The following WDR90 variants were observed in gnomAD, a reference collection of about 807,000 sequenced individuals.
WDR90 encodes WD repeat-containing protein 90.
In WDR90, 238 loss-of-function variants were observed where a neutral mutation model predicts 195.2. The observed-to-expected ratio is 1.22, with a 90% CI of 1.10 to 1.36. The LOEUF (loss-of-function observed/expected upper bound fraction) is 1.36. WDR90 is among the 40% of genes most tolerant of loss of function. WDR90 has a pLI of 0.00. For synonymous variants in WDR90, 1,265 were observed against 1,052.4 expected, an observed-to-expected ratio of 1.20 and a Z score of -3.91; for missense variants, 2,734 against 2,439.5, an observed-to-expected ratio of 1.12 and a Z score of -2.54.
Position 662,313 on chromosome 16 carries a change from G to A in WDR90, c.4127G>A (p.Cys1376Tyr), listed in dbSNP as rs1054455995. 7.0e-6 allele frequency: 11 copies of A among 1,569,828 alleles called. No individual in the cohort carries two copies. The highest frequency in any genetic ancestry group is 1.9e-5 in the Admixed American group (1 of 53,580). Residue 1376 changes from cysteine to tyrosine, a missense_variant, in exon 33 of 41, where the codon TGC becomes TAC. Physicochemically the swap from Cys to Tyr is radical, Grantham distance 194 (BLOSUM62 -2). Transcript: ENST00000293879. ...GTGGGGGCTGTGTCGGAGCTGAGGTGCAAGGGCTCAGGCGCCAGGTGAGCT... is the reference window on the plus strand; with the variant it reads ...GTGGGGGCTGTGTCGGAGCTGAGGTACAAGGGCTCAGGCGCCAGGTGAGCT... ...WAVGAVSELRCKGSGASSVFM... is the reference protein window; with the variant it reads ...WAVGAVSELRYKGSGASSVFM...
Position 651,763 on chromosome 16 carries a change from G to A in WDR90, c.840+16G>A, listed in dbSNP as rs767549309. On this transcript the variant is annotated intron_variant, in intron 8 of 40. Transcript: ENST00000293879. ...CCCCACAGCCGTGAGTACCCCCTTCGCCCTATGAGATGGGGTTGGGGTGTG... is the reference window on the plus strand; with the variant it reads ...CCCCACAGCCGTGAGTACCCCCTTCACCCTATGAGATGGGGTTGGGGTGTG... 7.3e-5 allele frequency: 117 copies of A among 1,612,694 alleles called. No individual in the cohort carries two copies. The highest frequency in any genetic ancestry group is 9.3e-5 in the Non-Finnish European group (110 of 1,179,892).
Position 667,482 on chromosome 16 carries a change from G to A in WDR90, c.5140G>A (p.Ala1714Thr), listed in dbSNP as rs756798378. 1.2e-6 allele frequency: 2 copies of A among 1,610,310 alleles called. No homozygotes were observed. Among genetic ancestry groups the A allele is most frequent in the Non-Finnish European group, 1.7e-6 (2 of 1,178,014 alleles). Residue 1714 changes from alanine to threonine, a missense_variant, in exon 41 of 41, where the codon GCC becomes ACC. Physicochemically the swap from Ala to Thr is moderately conservative, Grantham distance 58. Transcript: ENST00000293879. ...DCAMGTAQDF[A>T]GHDNAVHLCR... ...TGCCATGGGGACTGCCCAAGACTTT[G>A]CCGGCCACGACAACGCAGTGCACCT... is the stretch of plus-strand genomic sequence containing the variant.
chr16:658,384 T>C lies in WDR90; in HGVS notation c.2766+40T>C, dbSNP rs12446963. On this transcript the variant is annotated intron_variant, in intron 22 of 40. Transcript: ENST00000293879. Reference sequence around the variant, plus strand: ...TGTGGCCCGCCGACCTGGCCCTCCCTGTGCTGTCCAGGCCTGGCCTCTGTG... The same window carrying C: ...TGTGGCCCGCCGACCTGGCCCTCCCCGTGCTGTCCAGGCCTGGCCTCTGTG... 2.5e-6 allele frequency: 4 copies of C among 1,605,754 alleles called. No homozygotes were observed. The East Asian group carries it at 6.7e-5, about 27-fold the overall frequency.
At position 659,290 on chromosome 16, in the gene WDR90, A is replaced by C. The variant is rs1407553327; in HGVS notation, c.3098A>C (p.Glu1033Ala). The change falls in exon 26 of 41, where the codon GAG (glutamate) becomes GCG (alanine). Residue 1033 changes from glutamate to alanine, a missense_variant. Transcript: ENST00000293879. ...GAGGACGCAGCGTCCAGGGCCAGCG[A>C]GCTCCCCCGGCAGCAGGTCCCCAAG... ...PLEDAASRAS[E>A]LPRQQVPKPC... 5 of 1,604,430 alleles carry C rather than the reference A, an allele frequency of 3.1e-6. No homozygotes were observed.
Position 659,228 on chromosome 16 carries a change from G to C in WDR90, c.3053-17G>C. Reference sequence around the variant, plus strand: ...TCCTCTTCCTTCCCAAACATCACAGGGCTGCTTCTTCCCCAGGCCCGGGCG... The same window carrying C: ...TCCTCTTCCTTCCCAAACATCACAGCGCTGCTTCTTCCCCAGGCCCGGGCG... On this transcript the variant is annotated splice_polypyrimidine_tract_variant and intron_variant, in intron 25 of 40. Transcript: ENST00000293879. 2 of 1,611,504 alleles carry C rather than the reference G, an allele frequency of 1.2e-6. No homozygotes were observed. Among genetic ancestry groups the C allele is most frequent in the African/African-American group, 2.7e-5 (2 of 75,024 alleles).
Position 658,614 on chromosome 16 carries a change from G to A in WDR90, c.2856G>A (p.Lys952=), listed in dbSNP as rs761573527. The A allele has an allele frequency of 6.2e-7, 1 of 1,612,662 alleles. No homozygotes were observed. The highest frequency in any genetic ancestry group is 1.3e-5 in the African/African-American group (1 of 75,054). ...FLLIAAGRTI[K]VWDYATQASP... is the part of the protein sequence containing the mutation. Reference sequence around the variant, plus strand: ...TGATTGCCGCCGGCCGGACCATCAAGGTGTGGGACTACGCCACACAGGCCA... The same window carrying A: ...TGATTGCCGCCGGCCGGACCATCAAAGTGTGGGACTACGCCACACAGGCCA... Residue 952 remains lysine (K), a synonymous_variant, in exon 23 of 41, where the codon AAG becomes AAA. Coordinates refer to ENST00000293879, the MANE Select transcript of WDR90 (RefSeq NM_145294.5).
intron 23 of WDR90, 96 bp from the exon 24 acceptor site, chr16:658,800 C>T (rs1227944010): frequency 1.1e-5 from 17 of 1,566,004 alleles, no homozygotes; most frequent in Non-Finnish European, 1.5e-5. Flanking sequence ...CCTCCGGGGC[C>T]TCACACTGTG....
At position 661,577 on chromosome 16, in the gene WDR90, C is replaced by G. The variant is rs764473187; in HGVS notation, c.3674-20C>G. 6.3e-7 allele frequency: 1 copy of G among 1,580,070 alleles called. No homozygotes were observed. Among genetic ancestry groups the G allele is most frequent in the Admixed American group, 1.7e-5 (1 of 58,054 alleles). On this transcript the variant is annotated intron_variant, in intron 30 of 40. Coordinates refer to ENST00000293879, the MANE Select transcript of WDR90 (RefSeq NM_145294.5). The stretch of plus-strand genomic sequence containing the variant: ...GGCTGCATCTGTGCACCTGACGTGG[C>G]TGCTCTGTGTCCTTCCCAGGGGACC...
intron 28 of WDR90, 61 bp from the exon 29 acceptor site, chr16:660,990 G>GCCCCCCCCCCCCCCCCCC: frequency 4.6e-5 from 1 of 21,752 alleles, no homozygotes; most frequent in Non-Finnish European, 6.6e-5. Context: ...CCCTCCCCAG[G>GCCCCCCCCCCCCCCCCCC]CCCCTCCCCG....
intron 28 of WDR90, 49 bp from the exon 29 acceptor site, chr16:661,002 C>A: frequency 4.6e-5 from 3 of 64,806 alleles, no homozygotes; most frequent in Non-Finnish European, 6.8e-5. Flanking sequence ...CCCTCCCCGC[C>A]CCCCCCCCCC....
At chr16:656,579 G>A (rs926730330) in intron 18 of WDR90, 42 bp downstream of exon 18, 7 of 1,568,634 alleles carry the variant, frequency 4.5e-6, no homozygotes, top group Non-Finnish European at 6.1e-6. Flanking sequence ...GGGCCGGGAG[G>A]TCCTGAAGCT....
At position 666,291 on chromosome 16, in the gene WDR90, C is replaced by T. The variant is rs143767432; in HGVS notation, c.4681C>T (p.Arg1561Cys). Residue 1561 changes from arginine (R) to cysteine (C), a missense_variant, in exon 37 of 41, where the codon CGT becomes TGT. Arg to Cys is a radical substitution (Grantham distance 180). Transcript: ENST00000293879. ...CCACCCCTGCACAGGGACAACCTTC[C>T]GTGTGCTGAGTGACCACCAGGGCGC... is the stretch of plus-strand genomic sequence containing the variant. ...VSHPCTGTTF[R>C]VLSDHQGAPI... 1,080 of 1,612,734 alleles carry T rather than the reference C, an allele frequency of 6.7e-4. 4 individuals are homozygous for T. In the African/African-American group the frequency reaches 0.012, roughly 17 times the overall value.
chr16:662,288 G>A lies in WDR90; in HGVS notation c.4102G>A (p.Val1368Met), dbSNP rs115580724. 771 of 1,581,530 alleles carry A rather than the reference G, an allele frequency of 4.9e-4. 1 individual carries two copies. In the African/African-American group the frequency reaches 8.6e-3, roughly 18 times the overall value. Residue 1368 changes from valine to methionine, a missense_variant, in exon 33 of 41, where the codon GTG (valine) becomes ATG (methionine). By Grantham distance (21) the Val-to-Met change is conservative. Coordinates refer to ENST00000293879, the MANE Select transcript of WDR90 (RefSeq NM_145294.5). ...SSTGRLRLWA[V>M]GAVSELRCKG... is the part of the protein sequence containing the mutation. Reference sequence around the variant, plus strand: ...CACGGGGCGGCTGCGCCTGTGGGCCGTGGGGGCTGTGTCGGAGCTGAGGTG... The same window carrying A: ...CACGGGGCGGCTGCGCCTGTGGGCCATGGGGGCTGTGTCGGAGCTGAGGTG...
rs1421570610 is a variant in WDR90 at position 656,088 on chromosome 16, C to T, written c.1966+199C>T. ...CCGCGGGGCAGCCTCACGGAAGGGC[C>T]CGGTGGGACGTGGGTAGTGTGTGAA... On this transcript the variant is annotated intron_variant, in intron 17 of 40. Transcript: ENST00000293879. The T allele has an allele frequency of 5.2e-6, 4 of 773,512 alleles. No individual in the cohort carries two copies. In the East Asian group the frequency reaches 1.1e-4, roughly 21 times the overall value. The allele number at this position is 773,512 out of a possible 1,614,324, so 47.9% of individuals were successfully genotyped here.
intron 1 of WDR90, 61 bp downstream of exon 1, chr16:649,487 T>C: frequency 7.8e-7 from 1 of 1,282,112 alleles, no homozygotes; most frequent in African/African-American, 1.6e-5. Flanking sequence ...GGGTCCAGGG[T>C]CGGCGGCCGG....
chr16:659,315 G>C lies in WDR90; in HGVS notation c.3123G>C (p.Lys1041Asn). The C allele has an allele frequency of 1.3e-6, 2 of 1,599,784 alleles. No individual in the cohort carries two copies. The highest frequency in any genetic ancestry group is 1.7e-6 in the Non-Finnish European group (2 of 1,174,040). ...AGCTCCCCCGGCAGCAGGTCCCCAA[G>C]CCATGTCAGGCATCTCCACCACGGC... ...ASELPRQQVP[K>N]PCQASPPRLG... Residue 1041 changes from lysine to asparagine, a missense_variant, in exon 26 of 41, where the codon AAG becomes AAC. Physicochemically the swap from Lys to Asn is moderately conservative, Grantham distance 94. Transcript: ENST00000293879.
rs1006789944 is a variant in WDR90 at position 665,633 on chromosome 16, C to A, written c.4312-46C>A. On this transcript the variant is annotated intron_variant, in intron 34 of 40. Transcript: ENST00000293879. ...ATAGGAAATGCCTGCGTCCCTTTAC[C>A]CTGCCCAGGGGCCAACACCCCCAGC... 3 of 1,611,688 alleles carry A rather than the reference C, an allele frequency of 1.9e-6. No homozygotes were observed. In the African/African-American group the frequency reaches 4.0e-5, roughly 22 times the overall value.
At chr16:653,931 G>T in intron 13 of WDR90, 128 bp downstream of exon 13, 1 of 1,215,288 alleles carries the variant, frequency 8.2e-7, no homozygotes, top group South Asian at 1.5e-5. Context: ...CCTCCCTGTG[G>T]TGGGGCTCCC....
Position 655,521 on chromosome 16 carries a change from TGGGCCTCCCCTTCCCTGA to T in WDR90, c.1719-44_1719-27del, listed in dbSNP as rs566797266. The T allele has an allele frequency of 1.5e-3, 2,375 of 1,545,810 alleles. 57 individuals are homozygous for T. In the South Asian group the frequency reaches 0.027, roughly 17 times the overall value. ...GCCCCGGCATGGGGGCCCTGGTGCC[TGGGCCTCCCCTTCCCTGA>T]GGGCCTCACCTTCCCTGCCGCCTCC... On this transcript the variant is annotated intron_variant, in intron 15 of 40. Coordinates refer to ENST00000293879, the MANE Select transcript of WDR90 (RefSeq NM_145294.5).
Sources: allele counts gnomAD v4.1 joint callset, GRCh38; gene constraint gnomAD v4.1.1; transcripts MANE v1.5; gene names NCBI Gene and HGNC (gene_info 2026-07-23, HGNC 2026-07-21).